The following FAM53C variants were observed in gnomAD, a reference collection of about 807,000 sequenced individuals.
FAM53C encodes the protein protein FAM53C.
Under a neutral mutation model 34.7 loss-of-function variants are expected in FAM53C, and 10 were observed. The ratio of observed to expected loss-of-function variants is 0.29; its 90% CI spans 0.18 to 0.49. FAM53C has a LOEUF of 0.49. Among genes scored for constraint, FAM53C ranks in the 20% least tolerant of loss-of-function variants. The pLI is 0.99. For missense variants in FAM53C, 442 were observed against 515.3 expected, an observed-to-expected ratio of 0.86 and a Z score of 1.38; for synonymous variants, 203 against 203.6, an observed-to-expected ratio of 1.00 and a Z score of 0.03.
intron 1 of FAM53C, 164 bp downstream of exon 1, chr5:138,338,471 G>A (rs923612645): frequency 3.0e-6 from 1 of 329,944 alleles, no homozygotes; most frequent in Admixed American, 4.3e-5. Context: ...AGGGGGTGGC[G>A]GAGTGCTAAG....
At position 138,345,013 on chromosome 5, in the gene FAM53C, CCCCCTG is replaced by C; in HGVS notation, c.331_336del (p.Ala111_Pro112del). 6.2e-7 allele frequency: 1 copy of C among 1,613,600 alleles called. No homozygotes were observed. The highest frequency in any genetic ancestry group is 8.5e-7 in the Non-Finnish European group (1 of 1,179,662). On this transcript the variant is annotated inframe_deletion, in exon 4 of 5. Coordinates refer to ENST00000239906, the MANE Select transcript of FAM53C (RefSeq NM_016605.3). The surrounding 1 kb of genome is among the most constrained non-coding windows in gnomAD (Gnocchi z 6.3). The stretch of plus-strand genomic sequence containing the variant: ...CCCAGATCCAGAGAAGCTTCCTGTG[CCCCCTG>C]CCCCTCCATCCAAGAGGCACTGCCG...
At position 138,341,276 on chromosome 5, in the gene FAM53C, C is replaced by G. The variant is rs760550718; in HGVS notation, c.-60C>G. ...GGCTCACAAGTGAGGTCTGGAAGAA[C>G]AACAGGGAAGACATCCATCATTTGC... On this transcript the variant is annotated 5_prime_UTR_variant, in exon 2 of 5. Coordinates refer to ENST00000239906, the MANE Select transcript of FAM53C (RefSeq NM_016605.3). The G allele has an allele frequency of 1.3e-5, 18 of 1,431,772 alleles. No individual in the cohort carries two copies. The highest frequency in any genetic ancestry group is 1.7e-5 in the Non-Finnish European group (17 of 1,013,792). 88.7% of individuals were successfully genotyped at this position (1,431,772 alleles called of 1,614,324 possible).
In FAM53C at chr5:138,341,821, C is replaced by G. The variant is rs748449648; in HGVS notation, c.91C>G (p.His31Asp). 1.9e-6 allele frequency: 3 copies of G among 1,614,186 alleles called. No individual in the cohort carries two copies. The highest frequency in any genetic ancestry group is 2.5e-6 in the Non-Finnish European group (3 of 1,180,000). ...CTCTCTTTCTTAGCCTTTGCCTGAT[C>G]ATGCAGACATCTCCAACTGTGGGAA... ...RFSISLPLPD[H>D]ADISNCGNSF... Residue 31 changes from histidine to aspartate, a missense_variant, in exon 3 of 5, where the codon CAT (histidine) becomes GAT (aspartate). Physicochemically the swap from His to Asp is moderately conservative, Grantham distance 81. Coordinates refer to ENST00000239906, the MANE Select transcript of FAM53C (RefSeq NM_016605.3).
In FAM53C at chr5:138,345,104, C is replaced by T; in HGVS notation, c.416C>T (p.Ser139Phe). ...CAGCCGGTGTGGCGGCCCGCCCCCT[C>T]CAAGCTGTGGACTCCCATAAAGCAC... is the stretch of plus-strand genomic sequence containing the variant. ...RWQPVWRPAP[S>F]KLWTPIKHRG... Residue 139 changes from serine to phenylalanine, a missense_variant, in exon 4 of 5, where the codon TCC becomes TTC. Coordinates refer to ENST00000239906, the MANE Select transcript of FAM53C (RefSeq NM_016605.3). The surrounding 1 kb of genome is among the most constrained non-coding windows in gnomAD (Gnocchi z 6.3). The T allele has an allele frequency of 6.2e-7, 1 of 1,613,990 alleles. No individual in the cohort carries two copies. The highest frequency in any genetic ancestry group is 8.5e-7 in the Non-Finnish European group (1 of 1,179,900).
intron 1 of FAM53C, 87 bp from the exon 2 acceptor site, chr5:138,341,097 G>A: frequency 1.6e-6 from 1 of 619,156 alleles, no homozygotes; most frequent in Non-Finnish European, 3.1e-6. Context: ...TGGCTTAGGG[G>A]TGCTGTGGTA....
chr5:138,345,009 TGTGCCCC>T lies in FAM53C; in HGVS notation c.322_328del (p.Val108LeufsTer36). 6.2e-7 allele frequency: 1 copy of T among 1,613,800 alleles called. No homozygotes were observed. Among genetic ancestry groups the T allele is most frequent in the African/African-American group, 1.3e-5 (1 of 75,008 alleles). ...AGCCCCCAGATCCAGAGAAGCTTCC[TGTGCCCC>T]CTGCCCCTCCATCCAAGAGGCACTG... On this transcript the variant is annotated frameshift_variant, in exon 4 of 5. Transcript: ENST00000239906. LOFTEE classifies it high-confidence loss of function. This position sits in a 1 kb window ranked among gnomAD's most constrained non-coding sequence, Gnocchi z 6.3.
intron 1 of FAM53C, among the ~76,000 whole-genome samples, chr5:138,340,392 T>A (rs1313237209): frequency 1.3e-5 from 2 of 152,234 alleles, no homozygotes; most frequent in African/African-American, 4.8e-5. Context: ...TGGCTTAACC[T>A]CCCCTTTTCC....
Position 138,344,943 on chromosome 5 carries a change from C to A in FAM53C, c.255C>A (p.Asn85Lys), listed in dbSNP as rs1458531601. 1.2e-6 allele frequency: 2 copies of A among 1,614,148 alleles called. No homozygotes were observed. Among genetic ancestry groups the A allele is most frequent in the Admixed American group, 1.7e-5 (1 of 60,018 alleles). The change falls in exon 4 of 5, where the codon AAC (asparagine) becomes AAA (lysine). Residue 85 changes from asparagine (N) to lysine (K), a missense_variant. Physicochemically the swap from Asn to Lys is moderately conservative, Grantham distance 94. Coordinates refer to ENST00000239906, the MANE Select transcript of FAM53C (RefSeq NM_016605.3). The part of the protein sequence containing the change: ...SLHLRPPSRG[N>K]SPKEQPFSQV... ...ACCTCAGACCACCCAGTCGGGGAAACTCCCCCAAGGAGCAGCCCTTCTCCC... is the reference window on the plus strand; with the variant it reads ...ACCTCAGACCACCCAGTCGGGGAAAATCCCCCAAGGAGCAGCCCTTCTCCC...
intron 1 of FAM53C, among the ~76,000 whole-genome samples, chr5:138,338,773 A>G (rs551699598): frequency 7.9e-5 from 12 of 152,342 alleles, no homozygotes; most frequent in Admixed American, 7.2e-4. Flanking sequence ...GAAGAAGAGC[A>G]GGCAGATCTC....
chr5:138,344,796 ATAT>A (rs1166845005), intron 3 of FAM53C, 26 bp from the exon 4 acceptor site: 1 of 1,500,768 alleles, frequency 6.7e-7, no homozygotes, highest in Admixed American at 2.3e-5. Context: ...GCTATCATTA[ATAT>A]TATTCTTATT....
rs1354052614 is a variant in FAM53C, at chr5:138,341,433, G to A, written c.78+20G>A. 1 of 1,601,664 alleles carries A rather than the reference G, an allele frequency of 6.2e-7. No individual in the cohort carries two copies. The highest frequency in any genetic ancestry group is 1.3e-5 in the African/African-American group (1 of 74,662). On this transcript the variant is annotated intron_variant, in intron 2 of 4. Transcript: ENST00000239906. Reference sequence around the variant, plus strand: ...AGTCTGGTAAAAGACCAGTCTTCCTGCTTCTCCACGACCCCCTCCCCCTTT... The same window carrying A: ...AGTCTGGTAAAAGACCAGTCTTCCTACTTCTCCACGACCCCCTCCCCCTTT...
In FAM53C at chr5:138,345,329, C is replaced by A; in HGVS notation, c.641C>A (p.Ser214Tyr). 1 of 1,614,242 alleles carries A rather than the reference C, an allele frequency of 6.2e-7. No individual in the cohort carries two copies. The highest frequency in any genetic ancestry group is 2.2e-5 in the East Asian group (1 of 44,882). Residue 214 changes from serine (S) to tyrosine (Y), a missense_variant, in exon 4 of 5, where the codon TCC becomes TAC. Physicochemically the swap from Ser to Tyr is moderately radical, Grantham distance 144. Transcript: ENST00000239906. The surrounding 1 kb of genome is among the most constrained non-coding windows in gnomAD (Gnocchi z 6.3). ...TGCGCCGCCTCCCCTCAAAGTGGCT[C>A]CTGGGAGAGTGATGCTGAGTCCTTG... ...RPCAASPQSGSWESDAESLSP... is the reference protein window; with the variant it reads ...RPCAASPQSGYWESDAESLSP...
intron 1 of FAM53C, 133 bp from the exon 2 acceptor site, chr5:138,341,051 G>C: frequency 4.1e-6 from 2 of 493,152 alleles, no homozygotes; most frequent in South Asian, 3.5e-5. Flanking sequence ...GGCTTAGCTG[G>C]AAAGAGCTGT....
rs1761040782 is a variant in FAM53C, at chr5:138,341,802, T to G, written c.79-7T>G. On this transcript the variant is annotated splice_polypyrimidine_tract_variant and splice_region_variant and intron_variant, in intron 2 of 4. Coordinates refer to ENST00000239906, the MANE Select transcript of FAM53C (RefSeq NM_016605.3). ...CCAAATCATGATGGATATTCTCTCT[T>G]TCTTAGCCTTTGCCTGATCATGCAG... 1 of 1,614,032 alleles carries G rather than the reference T, an allele frequency of 6.2e-7. No individual in the cohort carries two copies. The highest frequency in any genetic ancestry group is 8.5e-7 in the Non-Finnish European group (1 of 1,179,880).
chr5:138,338,378 C>T (rs1760880982), intron 1 of FAM53C, 71 bp downstream of exon 1: 3 of 386,298 alleles, frequency 7.8e-6, no homozygotes, highest in Non-Finnish European at 1.5e-5. Context: ...CTCCTTCCCT[C>T]TTTCCCCTCC....
chr5:138,338,761 T>G (rs1055814229), intron 1 of FAM53C, among the ~76,000 whole-genome samples: 1 of 152,002 alleles, frequency 6.6e-6, no homozygotes, highest in African/African-American at 2.4e-5. Context: ...CAGAACCATA[T>G]GGAAGAAGAG....
chr5:138,344,078 G>A (rs1412372978), intron 3 of FAM53C, among the ~76,000 whole-genome samples: 6 of 152,230 alleles, frequency 3.9e-5, no homozygotes, highest in African/African-American at 1.4e-4. Context: ...TACAGTGAGT[G>A]AGGATTGTTT....
upstream of FAM53C, chr5:138,338,240 G>T (rs1760857959): frequency 1.7e-6 from 2 of 1,175,158 alleles, no homozygotes; most frequent in Non-Finnish European, 2.3e-6. Context: ...GCCTTTTAAG[G>T]GCACCGTGGG....
chr5:138,344,799 T>A (rs1228588591), intron 3 of FAM53C, 26 bp from the exon 4 acceptor site: 1 of 1,500,224 alleles, frequency 6.7e-7, no homozygotes, highest in African/African-American at 1.4e-5. Flanking sequence ...ATCATTAATA[T>A]TATTCTTATT....
Sources: gnomAD v4.1 joint callset for allele counts (sites outside exome capture counted in the v4.1 genomes callset) on GRCh38, gnomAD v4.1.1 for gene constraint, Gnocchi (gnomAD v3.1) non-coding constraint, MANE v1.5 for transcripts, NCBI Gene and HGNC (gene_info 2026-07-23, HGNC 2026-07-21) for gene names.